The following MTPAP variants were observed in gnomAD, a reference collection of about 807,000 sequenced individuals.
MTPAP encodes the protein poly(A) RNA polymerase, mitochondrial.
In MTPAP, 23 loss-of-function variants were observed where a neutral mutation model predicts 48.7. The observed-to-expected ratio is 0.47, with a 90% CI of 0.34 to 0.67. The LOEUF (loss-of-function observed/expected upper bound fraction) is 0.67, where lower values mean the gene tolerates loss of function less well. MTPAP is among the 30% of genes least tolerant of loss of function. The pLI is 0.01. For synonymous variants in MTPAP, 257 were observed against 254.1 expected, an observed-to-expected ratio of 1.01 and a Z score of -0.11; for missense variants, 614 against 694.3, an observed-to-expected ratio of 0.88 and a Z score of 1.30.
Position 30,313,612 on chromosome 10 carries a change from T to A in MTPAP, c.1746A>T (p.Thr582=). 1 of 1,614,244 alleles carries A rather than the reference T, an allele frequency of 6.2e-7. No homozygotes were observed. The highest frequency in any genetic ancestry group is 8.5e-7 in the Non-Finnish European group (1 of 1,180,024). ...TSGKRTISTQ[T] is the part of the protein sequence containing the mutation. ...TCTTTACACAATGTAGCAGCCATCA[T>A]GTCTGAGTACTAATTGTTCTCTTCC... The change falls in exon 9 of 9, where the codon ACA becomes ACT. Residue 582 remains threonine (T), a synonymous_variant. Transcript: ENST00000263063.
intron 6 of MTPAP, among the ~76,000 whole-genome samples, chr10:30,318,839 C>A (rs1440108785): frequency 1.3e-5 from 2 of 152,004 alleles, no homozygotes; most frequent in African/African-American, 2.4e-5. Flanking sequence ...GACAGCTAGC[C>A]CTAGAAAAGC....
intron 6 of MTPAP, among the ~76,000 whole-genome samples, chr10:30,319,828 T>C (rs1840701176): frequency 6.6e-6 from 1 of 152,234 alleles, no homozygotes; most frequent in African/African-American, 2.4e-5. Flanking sequence ...GCCTGAAAAA[T>C]TCTCTTACCG....
intron 4 of MTPAP, among the ~76,000 whole-genome samples, chr10:30,330,725 A>G (rs1834655214): frequency 6.6e-6 from 1 of 152,210 alleles, no homozygotes; most frequent in Admixed American, 6.5e-5. Flanking sequence ...TCTAAGGTTA[A>G]GCAAACTCAT....
intron 2 of MTPAP, 151 bp downstream of exon 2, chr10:30,341,317 A>G (rs1354002953): frequency 1.0e-5 from 10 of 1,002,736 alleles, no homozygotes; most frequent in Non-Finnish European, 1.3e-5. Context: ...CAAAAACAAA[A>G]CTCATTAAAG....
At chr10:30,349,044 G>A (rs1834903169) in intron 1 of MTPAP, 75 bp downstream of exon 1, 1 of 1,604,444 alleles carries the variant, frequency 6.2e-7, no homozygotes, top group Non-Finnish European at 8.5e-7. Flanking sequence ...GTTTCCACAG[G>A]CCACGTGTTT....
intron 6 of MTPAP, among the ~76,000 whole-genome samples, chr10:30,316,504 A>G (rs949588564): frequency 5.3e-5 from 8 of 151,004 alleles, no homozygotes; most frequent in African/African-American, 1.7e-4. Context: ...CATCCTCCCA[A>G]AGTGAGGGGA....
chr10:30,344,027 G>C (rs1240937662), intron 1 of MTPAP, among the ~76,000 whole-genome samples: 2 of 151,898 alleles, frequency 1.3e-5, no homozygotes, highest in African/African-American at 2.4e-5. Flanking sequence ...CCACATAACT[G>C]CCAAAGTGTT....
chr10:30,330,546 A>G (rs1238007936), intron 4 of MTPAP, among the ~76,000 whole-genome samples: 1 of 152,236 alleles, frequency 6.6e-6, no homozygotes, highest in Non-Finnish European at 1.5e-5. Flanking sequence ...AAAATCCTTG[A>G]GGTAACAGAA....
At chr10:30,345,453 GA>G (rs1021233857) in intron 1 of MTPAP, among the ~76,000 whole-genome samples, 7 of 152,080 alleles carry the variant, frequency 4.6e-5, no homozygotes, top group African/African-American at 1.7e-4. Context: ...AAAGAGCAGG[GA>G]TTACATTTGA....
Position 30,341,608 on chromosome 10 carries a change from A to G in MTPAP, c.190T>C (p.Ser64Pro). The G allele has an allele frequency of 6.2e-7, 1 of 1,614,090 alleles. No homozygotes were observed. The highest frequency in any genetic ancestry group is 2.2e-5 in the East Asian group (1 of 44,872). The change falls in exon 2 of 9, where the codon TCT becomes CCT. Residue 64 changes from serine (S) to proline (P), a missense_variant. Physicochemically the swap from Ser to Pro is moderately conservative, Grantham distance 74. This residue lies in a region of MTPAP where 125 missense variants were observed against 111.5 expected (regional missense o/e 1.12). Coordinates refer to ENST00000263063, the MANE Select transcript of MTPAP (RefSeq NM_018109.4). ...TCTCGTCTTTCATTTTGCATCTCAG[A>G]GAATCTCCTTTTGGGAATCTTGTCT... ...FEDKIPKRRF[S>P]EMQNERREQA...
chr10:30,341,387 G>A (rs991537348), intron 2 of MTPAP, 81 bp downstream of exon 2: 3 of 1,523,806 alleles, frequency 2.0e-6, no homozygotes, highest in Non-Finnish European at 2.6e-6. Context: ...ATTGCAAAAA[G>A]CAACAGCAAA....
chr10:30,318,217 T>A (rs533901335), intron 6 of MTPAP, among the ~76,000 whole-genome samples: 6 of 152,264 alleles, frequency 3.9e-5, no homozygotes, highest in Admixed American at 3.9e-4. Context: ...CTCCTATAAA[T>A]TTATCTCCCA....
chr10:30,348,152 T>C (rs1180724169), intron 1 of MTPAP, among the ~76,000 whole-genome samples: 2 of 152,212 alleles, frequency 1.3e-5, no homozygotes, highest in African/African-American at 4.8e-5. Flanking sequence ...ATTTTCAGCG[T>C]TACTTAGAAA....
In MTPAP at chr10:30,313,435, C is replaced by T; in HGVS notation, c.*174G>A. On this transcript the variant is annotated 3_prime_UTR_variant, in exon 9 of 9. Transcript: ENST00000263063. ...AAGTGCCACTGAGTATCAGACTGATCAAACTGAAAACATCCCAGAACTTCA... is the reference window on the plus strand; with the variant it reads ...AAGTGCCACTGAGTATCAGACTGATTAAACTGAAAACATCCCAGAACTTCA... 1.1e-6 allele frequency: 1 copy of T among 880,518 alleles called. No individual in the cohort carries two copies. The highest frequency in any genetic ancestry group is 1.8e-6 in the Non-Finnish European group (1 of 561,118). The allele number at this position is 880,518 out of a possible 1,614,324, so 54.5% of individuals were successfully genotyped here.
chr10:30,313,313 T>C lies in MTPAP; in HGVS notation c.*296A>G. ...TCTTGCTATGTTGTCCACGATGGAT[T>C]CAAAATCCTGGGCTCAAGAGATCCT... On this transcript the variant is annotated 3_prime_UTR_variant, in exon 9 of 9. Coordinates refer to ENST00000263063, the MANE Select transcript of MTPAP (RefSeq NM_018109.4). 2.6e-6 allele frequency: 1 copy of C among 390,576 alleles called. No homozygotes were observed. Among genetic ancestry groups the C allele is most frequent in the Non-Finnish European group, 4.7e-6 (1 of 213,126 alleles). 24.2% of individuals were successfully genotyped at this position (390,576 alleles called of 1,614,324 possible). A position where few individuals can be genotyped will look rare whatever the true frequency, so the allele number is the denominator to read the frequency against.
At chr10:30,334,698 G>T (rs1834708286) in intron 4 of MTPAP, among the ~76,000 whole-genome samples, 1 of 152,064 alleles carries the variant, frequency 6.6e-6, no homozygotes, top group African/African-American at 2.4e-5. Flanking sequence ...TTGGAAAATT[G>T]GGTATGTAAC....
At chr10:30,349,061 G>A in intron 1 of MTPAP, 58 bp downstream of exon 1, 3 of 1,612,148 alleles carry the variant, frequency 1.9e-6, no homozygotes, top group Middle Eastern at 3.3e-4. Context: ...GTTTCCCCGT[G>A]ATCCCAGACT....
rs1442694598 is a variant in MTPAP, at chr10:30,349,257, C to G, written c.19G>C (p.Gly7Arg). 1 of 1,605,712 alleles carries G rather than the reference C, an allele frequency of 6.2e-7. No individual in the cohort carries two copies. The highest frequency in any genetic ancestry group is 8.5e-7 in the Non-Finnish European group (1 of 1,177,936). MAVPGVGLLTRLNLCAR... is the reference protein window; with the variant it reads MAVPGVRLLTRLNLCAR... ...CACAGGTTCAAACGGGTCAAGAGCCCCACGCCGGGAACCGCCATTGCTAAA... is the reference window on the plus strand; with the variant it reads ...CACAGGTTCAAACGGGTCAAGAGCCGCACGCCGGGAACCGCCATTGCTAAA... The change falls in exon 1 of 9, where the codon GGG (glycine) becomes CGG (arginine). Residue 7 changes from glycine (G) to arginine (R), a missense_variant. By Grantham distance (125) the Gly-to-Arg change is moderately radical. Around this residue, in one of 5 missense-constraint regions of MTPAP, gnomAD observed 125 missense variants for 111.5 expected, o/e 1.12. Coordinates refer to ENST00000263063, the MANE Select transcript of MTPAP (RefSeq NM_018109.4).
chr10:30,340,188 A>T, intron 3 of MTPAP, 38 bp downstream of exon 3: 1 of 1,472,714 alleles, frequency 6.8e-7, no homozygotes, highest in Non-Finnish European at 9.5e-7. Flanking sequence ...ATAAAAAAAT[A>T]CATAGTTCTA....
Sources: allele counts gnomAD v4.1 joint callset (sites outside exome capture counted in the v4.1 genomes callset), GRCh38; gene constraint gnomAD v4.1.1; regional missense constraint gnomAD v4.1.1; transcripts MANE v1.5; gene names NCBI Gene and HGNC (gene_info 2026-07-23, HGNC 2026-07-21).